HIVEP3: variants seen among roughly 807,000 people sequenced by gnomAD.
The protein encoded by HIVEP3 is transcription factor HIVEP3.
A neutral mutation model predicts 152.8 loss-of-function variants in HIVEP3; 49 were observed. That is an observed-to-expected ratio of 0.32 (90% CI 0.26 to 0.41). HIVEP3 has a LOEUF of 0.41. Ranked by LOEUF, HIVEP3 falls within the 10% of genes least tolerant of loss-of-function variation. The pLI is 1.00. For missense variants in HIVEP3, 2,790 were observed against 3,103.3 expected (o/e 0.90, Z 2.40); for synonymous variants, 1,269 against 1,289.0 (o/e 0.98, Z 0.33).
chr1:41,832,738 T>C (rs1339087625), intron 1 of HIVEP3, among the ~76,000 whole-genome samples: 1 of 152,246 alleles, frequency 6.6e-6, no homozygotes, highest in East Asian at 1.9e-4. Flanking sequence ...TGTAATTTAA[T>C]CTTCACAACA....
At chr1:41,837,774 G>C (rs945009560) in intron 1 of HIVEP3, among the ~76,000 whole-genome samples, 1 of 152,154 alleles carries the variant, frequency 6.6e-6, no homozygotes, top group African/African-American at 2.4e-5. Context: ...CCTAGCCCTG[G>C]AACAGTGCCT....
intron 1 of HIVEP3, among the ~76,000 whole-genome samples, chr1:41,825,419 C>T (rs1642770884): frequency 1.3e-5 from 2 of 151,936 alleles, no homozygotes; most frequent in African/African-American, 4.8e-5. Flanking sequence ...AACAGGTGCT[C>T]GCCACCACGC....
chr1:41,590,550 C>CAAG (rs1644572725), intron 3 of HIVEP3, among the ~76,000 whole-genome samples: 2 of 152,184 alleles, frequency 1.3e-5, no homozygotes, highest in African/African-American at 4.8e-5. Context: ...AACAGTGGGA[C>CAAG]AAGAAGACAA....
chr1:41,990,236 G>T (rs1645351997), intron 1 of HIVEP3, among the ~76,000 whole-genome samples: 1 of 129,382 alleles, frequency 7.7e-6, no homozygotes, highest in Admixed American at 8.1e-5. Context: ...CTTTAAGAAT[G>T]TTGAATATTG....
chr1:41,560,071 T>C (rs1644034994), intron 5 of HIVEP3, among the ~76,000 whole-genome samples: 1 of 152,076 alleles, frequency 6.6e-6, no homozygotes, highest in South Asian at 2.1e-4. Context: ...GGGCAGGGGG[T>C]GGCACTATCC....
intron 1 of HIVEP3, among the ~76,000 whole-genome samples, chr1:41,957,348 C>T (rs2124495322): frequency 1.3e-5 from 2 of 152,330 alleles, no homozygotes; most frequent in South Asian, 4.1e-4. Flanking sequence ...CTCTAAGACA[C>T]TGCTAAACAA....
At chr1:41,666,448 A>T (rs1645797808) in intron 2 of HIVEP3, among the ~76,000 whole-genome samples, 1 of 152,168 alleles carries the variant, frequency 6.6e-6, no homozygotes, top group South Asian at 2.1e-4. Flanking sequence ...GATGTCACTG[A>T]TCTTGACGTT....
At chr1:41,737,212 A>G (rs572269486) in intron 1 of HIVEP3, among the ~76,000 whole-genome samples, 1 of 152,174 alleles carries the variant, frequency 6.6e-6, no homozygotes, top group Non-Finnish European at 1.5e-5. Flanking sequence ...TGCTTAACGT[A>G]TCTCAGCCTG....
In HIVEP3 at chr1:41,581,146, T is replaced by C; in HGVS notation, c.3652A>G (p.Arg1218Gly). The change falls in exon 4 of 9, where the codon AGG becomes GGG. Residue 1218 changes from arginine to glycine, a missense_variant. By Grantham distance (125) the Arg-to-Gly change is moderately radical. Around this residue, in one of 9 missense-constraint regions of HIVEP3, gnomAD observed 1,078 missense variants for 1,165.3 expected, o/e 0.93. Coordinates refer to ENST00000372583, the MANE Select transcript of HIVEP3 (RefSeq NM_024503.5). This position sits in a 1 kb window ranked among gnomAD's most constrained non-coding sequence, Gnocchi z 4.5. ...ATGGGGAGGAAGGAAGGGGGCTGCC[T>C]GAAGGGGATGTTGGCTGGGTGAGGC... ...LMPHPANIPF[R>G]QPPSFLPMPY... The C allele has an allele frequency of 6.5e-7, 1 of 1,546,600 alleles. No individual in the cohort carries two copies. Among genetic ancestry groups the C allele is most frequent in the African/African-American group, 1.4e-5 (1 of 72,812 alleles).
intron 5 of HIVEP3, among the ~76,000 whole-genome samples, chr1:41,566,565 G>C (rs192952677): frequency 2.6e-4 from 39 of 152,242 alleles, no homozygotes; most frequent in African/African-American, 9.4e-4. Flanking sequence ...TTCCTCCACA[G>C]CCAGTCTCTT....
rs767997103 is a variant in HIVEP3, at chr1:41,591,059, CA to C, written c.-521-5742del. On this transcript the variant is annotated intron_variant, in intron 3 of 8. Coordinates refer to ENST00000372583, the MANE Select transcript of HIVEP3 (RefSeq NM_024503.5). ...GGCATGGCACCTGACATATAGTAAG[CA>C]TTCAATAAATAATAATCATCATTGC... Among the ~76,000 whole-genome samples, 11 of 152,192 alleles carry C rather than the reference CA, an allele frequency of 7.2e-5. 1 individual carries two copies. Among genetic ancestry groups the C allele is most frequent in the Admixed American group, 2.6e-4 (4 of 15,278 alleles).
At chr1:41,973,968 C>T (rs1042343931) in intron 1 of HIVEP3, among the ~76,000 whole-genome samples, 3 of 152,124 alleles carry the variant, frequency 2.0e-5, no homozygotes, top group Admixed American at 1.3e-4. Context: ...CCAGATTATG[C>T]GTGCAGGACA....
intron 1 of HIVEP3, among the ~76,000 whole-genome samples, chr1:41,860,055 G>A (rs1028111495): frequency 6.6e-6 from 1 of 152,180 alleles, no homozygotes; most frequent in African/African-American, 2.4e-5. Flanking sequence ...AGCAAAGGTA[G>A]CAGGCAAACC....
chr1:41,984,191 T>G (rs1315803380), intron 1 of HIVEP3, among the ~76,000 whole-genome samples: 3 of 152,204 alleles, frequency 2.0e-5, no homozygotes, highest in Non-Finnish European at 4.4e-5. Flanking sequence ...CAGGCTGGTC[T>G]TGAATTCCTG....
At chr1:41,654,169 T>C (rs912635962) in intron 2 of HIVEP3, among the ~76,000 whole-genome samples, 1 of 152,196 alleles carries the variant, frequency 6.6e-6, no homozygotes, top group Non-Finnish European at 1.5e-5. Flanking sequence ...TGGTGAACTT[T>C]CACTGAATAC....
At chr1:41,709,935 C>T (rs944474176) in intron 1 of HIVEP3, among the ~76,000 whole-genome samples, 1 of 152,076 alleles carries the variant, frequency 6.6e-6, no homozygotes, top group South Asian at 2.1e-4. Context: ...TTTGGAGGGA[C>T]GTGTCTGGAG....
At chr1:41,588,336 C>T (rs912984514) in intron 3 of HIVEP3, among the ~76,000 whole-genome samples, 5 of 152,128 alleles carry the variant, frequency 3.3e-5, no homozygotes, top group East Asian at 1.9e-4. Context: ...TTGCTTCTTC[C>T]GATGGATGGA....
In HIVEP3 at chr1:41,754,555, C is replaced by T. The variant is rs543626786; in HGVS notation, c.-800-53560G>A. Among the ~76,000 whole-genome samples, 24 of 152,256 alleles carry T rather than the reference C, an allele frequency of 1.6e-4. No individual in the cohort carries two copies. The South Asian group carries it at 4.8e-3, about 30-fold the overall frequency. On this transcript the variant is annotated intron_variant, in intron 1 of 8. Coordinates refer to ENST00000372583, the MANE Select transcript of HIVEP3 (RefSeq NM_024503.5). ...TACGTGTGGCTGCCTGGACAGACGA[C>T]TTAGTCTCCAGAAGCTGAGATGAGC... is the stretch of plus-strand genomic sequence containing the variant.
chr1:41,794,116 A>G (rs903662384), intron 1 of HIVEP3, among the ~76,000 whole-genome samples: 8 of 152,186 alleles, frequency 5.3e-5, no homozygotes, highest in African/African-American at 1.9e-4. Flanking sequence ...TATAAAGGAA[A>G]GAGTTTTAAT....
Sources: gnomAD v4.1 joint callset for allele counts (sites outside exome capture counted in the v4.1 genomes callset) on GRCh38, gnomAD v4.1.1 for gene constraint, gnomAD v4.1.1 regional missense constraint, Gnocchi (gnomAD v3.1) non-coding constraint, MANE v1.5 for transcripts, NCBI Gene and HGNC (gene_info 2026-07-23, HGNC 2026-07-21) for gene names.